CFAP54: variants seen among roughly 807,000 people sequenced by gnomAD.
CFAP54 encodes the protein cilia and flagella associated protein 54.
In CFAP54, 290 loss-of-function variants were observed where a neutral mutation model predicts 370.4. The observed-to-expected ratio is 0.78, with a 90% confidence interval of 0.71 to 0.86. The LOEUF is 0.86. CFAP54 is among the 40% of genes least tolerant of loss of function. The pLI is 0.00. For missense variants in CFAP54, 3,399 were observed against 3,528.7 expected (o/e 0.96, Z 0.93); for synonymous variants, 1,206 against 1,236.5 (o/e 0.98, Z 0.52).
intron 19 of CFAP54, among the ~76,000 whole-genome samples, chr12:96,565,704 T>A (rs1427297725): frequency 6.6e-6 from 1 of 152,190 alleles, no homozygotes; most frequent in South Asian, 2.1e-4. Flanking sequence ...TCATCTTCAA[T>A]GATGGGTGGG....
chr12:96,582,847 T>C (rs1956044407), intron 22 of CFAP54, among the ~76,000 whole-genome samples: 1 of 152,188 alleles, frequency 6.6e-6, no homozygotes, highest in South Asian at 2.1e-4. Flanking sequence ...CTCATAATGT[T>C]AAGAGGCTAA....
chr12:96,820,394 T>C (rs1230196248), intron 65 of CFAP54, among the ~76,000 whole-genome samples: 1 of 152,188 alleles, frequency 6.6e-6, no homozygotes, highest in East Asian at 1.9e-4. Flanking sequence ...ATTTAGAAGG[T>C]ACTTGTTGGC....
chr12:96,848,847 G>A (rs542305657), intron 66 of CFAP54, among the ~76,000 whole-genome samples: 49 of 152,354 alleles, frequency 3.2e-4, no homozygotes, highest in African/African-American at 1.1e-3. Flanking sequence ...CACAAAGTGT[G>A]AAATTTCTAT....
At chr12:96,836,874 C>G (rs1959187747) in intron 66 of CFAP54, among the ~76,000 whole-genome samples, 1 of 152,122 alleles carries the variant, frequency 6.6e-6, no homozygotes, top group South Asian at 2.1e-4. Flanking sequence ...GTCATCCAGA[C>G]TATAGTGCAG....
chr12:96,848,706 A>G (rs1266361445), intron 66 of CFAP54, among the ~76,000 whole-genome samples: 1 of 152,246 alleles, frequency 6.6e-6, no homozygotes, highest in Non-Finnish European at 1.5e-5. Context: ...CAAGAAAGAA[A>G]AAAAAAGATT....
rs777695842 is a variant in CFAP54, at chr12:96,693,844, G to A, written c.6351+36G>A. 2.2e-5 allele frequency: 28 copies of A among 1,296,678 alleles called. No individual in the cohort carries two copies. In the African/African-American group the frequency reaches 4.1e-4, roughly 19 times the overall value. The allele number at this position is 1,296,678 out of a possible 1,614,324, so 80.3% of individuals were successfully genotyped here. A position where few individuals can be genotyped will look rare whatever the true frequency, so the allele number is the denominator to read the frequency against. ...AGCTTTTAAGACATTTGATATTCTT[G>A]AACTATTAAGGATATTGTCATGTAT... On this transcript the variant is annotated intron_variant, in intron 45 of 67. Coordinates refer to ENST00000524981, the MANE Select transcript of CFAP54 (RefSeq NM_001306084.2).
rs548808752 is a variant in CFAP54 at position 96,519,026 on chromosome 12, T to C, written c.897T>C (p.Ala299=). 24 of 1,535,912 alleles carry C rather than the reference T, an allele frequency of 1.6e-5. No individual in the cohort carries two copies. In the African/African-American group the frequency reaches 3.3e-4, roughly 21 times the overall value. ...YLTWRATLYT[A]VCQCCYDCHA... is the part of the protein sequence containing the mutation. ...CATGGCGCGCTACTCTCTACACAGC[T>C]GTTTGCCAGTGCTGCTATGACTGCC... Residue 299 remains alanine (A), a synonymous_variant, in exon 6 of 68, where the codon GCT becomes GCC. Coordinates refer to ENST00000524981, the MANE Select transcript of CFAP54 (RefSeq NM_001306084.2).
intron 30 of CFAP54, among the ~76,000 whole-genome samples, chr12:96,629,187 T>C (rs1377394645): frequency 4.6e-5 from 7 of 152,220 alleles, no homozygotes; most frequent in African/African-American, 1.7e-4. Context: ...AATCCAGTTC[T>C]GTTCCATGTA....
chr12:96,649,389 C>A (rs188379059), intron 34 of CFAP54, among the ~76,000 whole-genome samples: 1 of 151,970 alleles, frequency 6.6e-6, no homozygotes, highest in African/African-American at 2.4e-5. Flanking sequence ...ATTTTGCTAC[C>A]GAGACTTACT....
At chr12:96,521,541 TGTGTGTGCGC>T (rs759074550) in intron 6 of CFAP54, among the ~76,000 whole-genome samples, 1,929 of 119,006 alleles carry the variant, frequency 0.016, 27 homozygotes, top group Middle Eastern at 0.042. Flanking sequence ...TGTGTGTGTG[TGTGTGTGCGC>T]GTGCGCACAT....
At chr12:96,754,140 C>T (rs992090) in intron 56 of CFAP54, among the ~76,000 whole-genome samples, 51,296 of 151,968 alleles carry the variant, frequency 0.34, 9,217 homozygotes, top group East Asian at 0.58. Context: ...GTAATTGATT[C>T]TTCTTACACA....
chr12:96,519,148 G>A, intron 6 of CFAP54, 77 bp downstream of exon 6: 1 of 1,408,712 alleles, frequency 7.1e-7, no homozygotes, highest in East Asian at 2.5e-5. Flanking sequence ...GCCCAGGCTG[G>A]AGTGCAGTGA....
At chr12:96,614,404 A>G (rs547658712) in intron 26 of CFAP54, among the ~76,000 whole-genome samples, 1 of 152,366 alleles carries the variant, frequency 6.6e-6, no homozygotes. Flanking sequence ...CACAGCCAGT[A>G]TCATACTGAA....
At chr12:96,592,691 G>C in intron 24 of CFAP54, 54 bp downstream of exon 24, 1 of 582,034 alleles carries the variant, frequency 1.7e-6, no homozygotes. Context: ...TTTTTTTCTT[G>C]ATGTTTTAAG....
chr12:96,498,551 G>T (rs372369149), intron 1 of CFAP54, among the ~76,000 whole-genome samples: 4 of 152,304 alleles, frequency 2.6e-5, no homozygotes, highest in Admixed American at 6.5e-5. Flanking sequence ...TACTCGGGAG[G>T]CTGAGGCAGG....
intron 56 of CFAP54, among the ~76,000 whole-genome samples, chr12:96,755,445 G>A (rs958183007): frequency 2.6e-5 from 4 of 151,812 alleles, no homozygotes; most frequent in Non-Finnish European, 5.9e-5. Context: ...CTGAAACTTT[G>A]TACCCTTTGA....
At chr12:96,562,488 G>A (rs779436089) in intron 17 of CFAP54, among the ~76,000 whole-genome samples, 19 of 141,582 alleles carry the variant, frequency 1.3e-4, no homozygotes, top group Admixed American at 6.7e-4. Flanking sequence ...GTGCAGTGAC[G>A]TTATCTCAGC....
At chr12:96,726,624 C>A (rs1320559052) in intron 50 of CFAP54, among the ~76,000 whole-genome samples, 17 of 151,678 alleles carry the variant, frequency 1.1e-4, no homozygotes, top group Non-Finnish European at 1.9e-4. Context: ...TTCAAAAAAC[C>A]AGCTCCTGGA....
chr12:96,732,658 C>A (rs900476182), intron 50 of CFAP54, among the ~76,000 whole-genome samples: 3 of 152,058 alleles, frequency 2.0e-5, no homozygotes, highest in East Asian at 3.8e-4. Context: ...CTTTTGGGTT[C>A]TCAATAATTT....
Sources: gnomAD v4.1 joint callset for allele counts (sites outside exome capture counted in the v4.1 genomes callset) on GRCh38, gnomAD v4.1.1 for gene constraint, MANE v1.5 for transcripts, NCBI Gene and HGNC (gene_info 2026-07-23, HGNC 2026-07-21) for gene names.